Variants in KL observed in about 807,000 individuals in gnomAD.
KL encodes klotho.
Under a neutral mutation model 84.2 loss-of-function variants are expected in KL, and 62 were observed. The ratio of observed to expected loss-of-function variants is 0.74; its 90% CI spans 0.60 to 0.91. The LOEUF (loss-of-function observed/expected upper bound fraction) is 0.91, where lower values mean the gene tolerates loss of function less well. Ranked by LOEUF, KL falls within the 40% of genes least tolerant of loss-of-function variation. KL has a pLI of 0.00. For synonymous variants in KL, 528 were observed against 528.0 expected, an observed-to-expected ratio of 1.00 and a Z score of 0.00; for missense variants, 1,261 against 1,305.7, an observed-to-expected ratio of 0.97 and a Z score of 0.53.
chr13:33,031,817 G>C lies in KL; in HGVS notation c.819+14558G>C, dbSNP rs540543931. ...GAGATGCTTACTGTTTTCATGATAA[G>C]CCTTTGGTACTATTTGATTTTAAAC... On this transcript the variant is annotated intron_variant, in intron 1 of 4. Transcript: ENST00000380099. Among the ~76,000 whole-genome samples, 6 of 152,234 alleles carry C rather than the reference G, an allele frequency of 3.9e-5. No individual in the cohort carries two copies. In the East Asian group the frequency reaches 1.2e-3, roughly 29 times the overall value.
intron 1 of KL, among the ~76,000 whole-genome samples, chr13:33,043,817 C>T (rs1157081696): frequency 1.3e-5 from 2 of 152,108 alleles, no homozygotes; most frequent in Non-Finnish European, 2.9e-5. Flanking sequence ...AAAATTAAAA[C>T]CTGCTCATCA....
At position 33,017,004 on chromosome 13, in the gene KL, G is replaced by C. The variant is rs767476440; in HGVS notation, c.564G>C (p.Val188=). The C allele has an allele frequency of 3.6e-5, 57 of 1,593,820 alleles. No individual in the cohort carries two copies. Among genetic ancestry groups the C allele is most frequent in the Non-Finnish European group, 4.3e-5 (51 of 1,173,898 alleles). ...TGCGGGAGCTGGGCGTGCAGCCCGT[G>C]GTCACCCTGTACCACTGGGACCTGC... is the stretch of plus-strand genomic sequence containing the variant. ...ERLRELGVQP[V]VTLYHWDLPQ... is the part of the protein sequence containing the mutation. Residue 188 remains valine, a synonymous_variant, in exon 1 of 5, where the codon GTG becomes GTC. Transcript: ENST00000380099.
At chr13:33,029,741 C>G (rs1275798672) in intron 1 of KL, among the ~76,000 whole-genome samples, 1 of 152,174 alleles carries the variant, frequency 6.6e-6, no homozygotes, top group East Asian at 1.9e-4. Flanking sequence ...TCACGCCATT[C>G]TCCTGCCTCA....
chr13:33,040,938 A>C (rs1484456513), intron 1 of KL, among the ~76,000 whole-genome samples: 3 of 152,146 alleles, frequency 2.0e-5, no homozygotes, highest in Non-Finnish European at 4.4e-5. Context: ...GGTTCTACAG[A>C]TTCTGCCTTC....
At chr13:33,025,605 G>A (rs548171556) in intron 1 of KL, among the ~76,000 whole-genome samples, 66 of 152,166 alleles carry the variant, frequency 4.3e-4, no homozygotes, top group Non-Finnish European at 8.8e-4. Flanking sequence ...ATGAGGAGCT[G>A]AAGAAGAAAG....
intron 1 of KL, among the ~76,000 whole-genome samples, chr13:33,043,537 G>T (rs1450250841): frequency 6.6e-6 from 1 of 152,126 alleles, no homozygotes; most frequent in Non-Finnish European, 1.5e-5. Context: ...AGTATTTTTA[G>T]TTGTAGGCAT....
At chr13:33,020,305 G>A (rs1444672074) in intron 1 of KL, among the ~76,000 whole-genome samples, 1 of 152,098 alleles carries the variant, frequency 6.6e-6, no homozygotes, top group African/African-American at 2.4e-5. Context: ...GCTCTCCCTT[G>A]CTTCTCCTCT....
rs749454287 is a variant in KL at position 33,016,755 on chromosome 13, G to A, written c.315G>A (p.Arg105=). Reference sequence around the variant, plus strand: ...CCCTGGCACCCCCGGGAGACTCCCGGAACGCCAGTCTGCCGTTGGGCGCCC... The same window carrying A: ...CCCTGGCACCCCCGGGAGACTCCCGAAACGCCAGTCTGCCGTTGGGCGCCC... ...HHPLAPPGDS[R]NASLPLGAPS... Residue 105 remains arginine, a synonymous_variant, in exon 1 of 5, where the codon CGG becomes CGA. Transcript: ENST00000380099. 5 of 1,611,828 alleles carry A rather than the reference G, an allele frequency of 3.1e-6. No individual in the cohort carries two copies. Among genetic ancestry groups the A allele is most frequent in the Non-Finnish European group, 4.2e-6 (5 of 1,179,424 alleles).
chr13:33,031,480 T>C (rs1870971283), intron 1 of KL, among the ~76,000 whole-genome samples: 1 of 151,960 alleles, frequency 6.6e-6, no homozygotes, highest in Admixed American at 6.6e-5. Context: ...AATAATGAGG[T>C]CATTATTTAT....
chr13:33,047,444 C>G (rs9536300), intron 1 of KL, among the ~76,000 whole-genome samples: 9,174 of 151,610 alleles, frequency 0.061, 314 homozygotes, highest in Non-Finnish European at 0.082. Flanking sequence ...TCTCTGCTTC[C>G]CGGGTTCAAG....
chr13:33,049,801 C>A (rs1444305337), intron 1 of KL, among the ~76,000 whole-genome samples: 1 of 152,102 alleles, frequency 6.6e-6, no homozygotes, highest in African/African-American at 2.4e-5. Context: ...TGCTATCAGC[C>A]ATTTTCCCTT....
chr13:33,023,795 T>C (rs211243), intron 1 of KL, among the ~76,000 whole-genome samples: 48,078 of 152,176 alleles, frequency 0.32, 8,792 homozygotes, highest in Admixed American at 0.44. Flanking sequence ...GTGATGTACA[T>C]TAATTTTAAA....
At chr13:33,037,836 C>T (rs1481411531) in intron 1 of KL, among the ~76,000 whole-genome samples, 1 of 152,018 alleles carries the variant, frequency 6.6e-6, no homozygotes, top group Non-Finnish European at 1.5e-5. Flanking sequence ...CCTAGATTAA[C>T]CAGATGAGAC....
In KL at chr13:33,061,588, A is replaced by G; in HGVS notation, c.2509A>G (p.Thr837Ala). 1 of 1,614,216 alleles carries G rather than the reference A, an allele frequency of 6.2e-7. No individual in the cohort carries two copies. Among genetic ancestry groups the G allele is most frequent in the Non-Finnish European group, 8.5e-7 (1 of 1,180,026 alleles). ...AGAAGTGCAAGAAATGACCGACATC[A>G]CGTGGCTCAACTCCCCCAGTCAGGT... ...YLEVQEMTDITWLNSPSQVAV... is the reference protein window; with the variant it reads ...YLEVQEMTDIAWLNSPSQVAV... The change falls in exon 4 of 5, where the codon ACG (threonine) becomes GCG (alanine). Residue 837 changes from threonine to alanine, a missense_variant. Thr to Ala is a moderately conservative substitution (Grantham distance 58). Transcript: ENST00000380099.
chr13:33,053,663 A>G (rs1871834304), intron 1 of KL, 104 bp from the exon 2 acceptor site: 2 of 1,082,452 alleles, frequency 1.8e-6, no homozygotes, highest in South Asian at 2.8e-5. Context: ...TCATTAAGTT[A>G]GGCTTGATGA....
At chr13:33,036,804 T>C (rs1002920267) in intron 1 of KL, among the ~76,000 whole-genome samples, 9 of 152,118 alleles carry the variant, frequency 5.9e-5, no homozygotes, top group Non-Finnish European at 1.3e-4. Flanking sequence ...CACTTAAAAA[T>C]TAAAAGAGTA....
At chr13:33,054,947 A>T in intron 2 of KL, 100 bp from the exon 3 acceptor site, 3 of 1,461,748 alleles carry the variant, frequency 2.1e-6, no homozygotes, top group Non-Finnish European at 2.9e-6. Flanking sequence ...GAAGCATTAC[A>T]CTTTATTTAT....
At chr13:33,055,615 C>T (rs1009556084) in intron 3 of KL, among the ~76,000 whole-genome samples, 1 of 152,114 alleles carries the variant, frequency 6.6e-6, no homozygotes, top group South Asian at 2.1e-4. Flanking sequence ...GGTTTTTGAT[C>T]CTTTTTAAGG....
chr13:33,045,595 C>T (rs1871497392), intron 1 of KL, among the ~76,000 whole-genome samples: 1 of 152,262 alleles, frequency 6.6e-6, no homozygotes, highest in African/African-American at 2.4e-5. Context: ...ATTCTCCTGC[C>T]TCAGCCTCCA....
Sources: allele counts gnomAD v4.1 joint callset (sites outside exome capture counted in the v4.1 genomes callset), GRCh38; gene constraint gnomAD v4.1.1; transcripts MANE v1.5; gene names NCBI Gene and HGNC (gene_info 2026-07-23, HGNC 2026-07-21).